The following MXD3 variants were observed in gnomAD, a reference collection of about 807,000 sequenced individuals.
MXD3 encodes Max-associated protein 3.
Under a neutral mutation model 27.5 loss-of-function variants are expected in MXD3, and 20 were observed. The ratio of observed to expected loss-of-function variants is 0.73; its 90% CI spans 0.51 to 1.06. The LOEUF is 1.06. Ranked by LOEUF, MXD3 falls within the 50% of genes least tolerant of loss-of-function variation. The probability of loss-of-function intolerance (pLI) is 0.00; values close to 1 mark genes in which losing one functional copy is unlikely to be tolerated. For synonymous variants in MXD3, 150 were observed against 130.7 expected (o/e 1.15, Z -1.01); for missense variants, 298 against 291.3 (o/e 1.02, Z -0.17).
chr5:177,311,388 T>C lies in MXD3; in HGVS notation c.167A>G (p.Asp56Gly). ...CCCCCGGCCTCCTCACCGCCCGCTGTCCTGCGCGCCAGGAGCCTGGGGGGG... is the reference window on the plus strand; with the variant it reads ...CCCCCGGCCTCCTCACCGCCCGCTGCCCTGCGCGCCAGGAGCCTGGGGGGG... The part of the protein sequence containing the change: ...KRPPQAPGAQ[D>G]SGRSVHNELE... Residue 56 changes from aspartate to glycine, a missense_variant, in exon 2 of 6, where the codon GAC (aspartate) becomes GGC (glycine). Coordinates refer to ENST00000439742, the MANE Select transcript of MXD3 (RefSeq NM_031300.4). The C allele has an allele frequency of 7.0e-7, 1 of 1,438,834 alleles. No individual in the cohort carries two copies. Among genetic ancestry groups the C allele is most frequent in the South Asian group, 1.5e-5 (1 of 66,290 alleles). 89.1% of individuals were successfully genotyped at this position (1,438,834 alleles called of 1,614,324 possible). A position where few individuals can be genotyped will look rare whatever the true frequency, so the allele number is the denominator to read the frequency against.
chr5:177,311,571 C>G, intron 1 of MXD3, 87 bp from the exon 2 acceptor site: 4 of 1,238,660 alleles, frequency 3.2e-6, no homozygotes, highest in Non-Finnish European at 4.4e-6. Context: ...CAAGGAAAGG[C>G]TTTTGGCGCC....
Position 177,311,847 on chromosome 5 carries a change from G to T in MXD3, c.-17C>A, listed in dbSNP as rs376489210. 1.2e-6 allele frequency: 2 copies of T among 1,609,402 alleles called. No individual in the cohort carries two copies. The stretch of plus-strand genomic sequence containing the variant: ...GGGTTCCATGTCGGCGACAGCTGGC[G>T]GCGGGCCGGCCTAGGGTGCCGGCCG... On this transcript the variant is annotated 5_prime_UTR_variant, in exon 1 of 6. Transcript: ENST00000439742.
upstream of MXD3, chr5:177,312,620 T>TC (rs1761064465): frequency 1.0e-6 from 1 of 985,342 alleles, no homozygotes; most frequent in African/African-American, 1.7e-5. Flanking sequence ...GGCCCCAGCT[T>TC]CCTACTGTGT....
intron 4 of MXD3, 127 bp from the exon 5 acceptor site, chr5:177,308,091 T>C: frequency 1.1e-6 from 1 of 903,972 alleles, no homozygotes; most frequent in Non-Finnish European, 1.6e-6. Context: ...GGCGACTAAA[T>C]CCAGGCCCCA....
At chr5:177,305,647 G>A (rs1298011531), downstream of MXD3, 6 of 559,122 alleles carry the variant, frequency 1.1e-5, no homozygotes, top group Admixed American at 9.3e-5. Context: ...TCAAGAGAGA[G>A]ACCTTTTGCC....
At chr5:177,309,126 G>T (rs1286679060) in intron 4 of MXD3, among the ~76,000 whole-genome samples, 1 of 152,210 alleles carries the variant, frequency 6.6e-6, no homozygotes, top group African/African-American at 2.4e-5. Flanking sequence ...AGGGAGAGAT[G>T]AGGCCAAAAG....
downstream of MXD3, chr5:177,305,799 CAGGG>C: frequency 2.4e-6 from 3 of 1,274,356 alleles, no homozygotes; most frequent in Non-Finnish European, 1.1e-6. Context: ...TGAAAAGTGA[CAGGG>C]AGTCAGATTT....
rs1280838607 is a variant in MXD3 at position 177,307,940 on chromosome 5, C to T, written c.346G>A (p.Ala116Thr). Residue 116 changes from alanine (A) to threonine (T), a missense_variant, in exon 5 of 6, where the codon GCC becomes ACC. Coordinates refer to ENST00000439742, the MANE Select transcript of MXD3 (RefSeq NM_031300.4). Reference sequence around the variant, plus strand: ...CGCAGCCTCTCCTTGAGCTGTCGGGCCCGCTGCTCCTGATCCTCCAGCTTC... The same window carrying T: ...CGCAGCCTCTCCTTGAGCTGTCGGGTCCGCTGCTCCTGATCCTCCAGCTTC... Reference protein sequence around the residue: ...IQKLEDQEQRARQLKERLRSK... With the variant: ...IQKLEDQEQRTRQLKERLRSK... The T allele has an allele frequency of 1.9e-6, 3 of 1,573,294 alleles. No individual in the cohort carries two copies. Among genetic ancestry groups the T allele is most frequent in the Non-Finnish European group, 2.6e-6 (3 of 1,159,486 alleles).
Position 177,311,408 on chromosome 5 carries a change from G to C in MXD3, c.147C>G (p.Pro49=), listed in dbSNP as rs772481908. 1.2e-5 allele frequency: 17 copies of C among 1,442,526 alleles called. No homozygotes were observed. The highest frequency in any genetic ancestry group is 6.3e-6 in the Non-Finnish European group (7 of 1,105,008). 89.4% of individuals were successfully genotyped at this position (1,442,526 alleles called of 1,614,324 possible). ...CGCTGTCCTGCGCGCCAGGAGCCTG[G>C]GGGGGTCGCTTCTTCCTCCTGTGGA... ...GPIHRRKKRP[P]QAPGAQDSGR... The change falls in exon 2 of 6, where the codon CCC becomes CCG. Residue 49 remains proline, a synonymous_variant. Transcript: ENST00000439742.
downstream of MXD3, chr5:177,306,876 C>G (rs1760892999): frequency 2.7e-6 from 2 of 730,016 alleles, no homozygotes; most frequent in Non-Finnish European, 4.4e-6. Flanking sequence ...AAGGGCAGGG[C>G]TTTTGGTTTT....
chr5:177,309,121 G>C (rs1760973948), intron 4 of MXD3, among the ~76,000 whole-genome samples: 1 of 152,228 alleles, frequency 6.6e-6, no homozygotes, highest in Admixed American at 6.5e-5. Context: ...GGCACAGGGA[G>C]AGATGAGGCC....
chr5:177,309,286 G>A lies in MXD3; in HGVS notation c.321+1140C>T, dbSNP rs138204189. On this transcript the variant is annotated intron_variant, in intron 4 of 5. Coordinates refer to ENST00000439742, the MANE Select transcript of MXD3 (RefSeq NM_031300.4). ...TAGGTGTGCTGCAGAGATCATTCTA[G>A]AGCAAAGTAGAAGACAGCCTGGTGG... 9.1e-3 allele frequency among the ~76,000 whole-genome samples: 1,389 copies of A among 152,310 alleles called. 20 individuals are homozygous for A. The highest frequency in any genetic ancestry group is 0.032 in the African/African-American group (1,318 of 41,548).
chr5:177,306,539 A>G (rs757559567), downstream of MXD3: 3 of 1,611,750 alleles, frequency 1.9e-6, no homozygotes, highest in South Asian at 3.3e-5. Context: ...GCGGCCACCA[A>G]GAAGCAGCAG....
intron 1 of MXD3, 36 bp from the exon 2 acceptor site, chr5:177,311,520 G>A: frequency 2.9e-6 from 4 of 1,397,850 alleles, no homozygotes; most frequent in Non-Finnish European, 3.8e-6. Context: ...TCAGGCTGGG[G>A]CTGGACCTGG....
chr5:177,309,547 G>A (rs962224376), intron 4 of MXD3, among the ~76,000 whole-genome samples: 2 of 152,222 alleles, frequency 1.3e-5, no homozygotes, highest in Non-Finnish European at 2.9e-5. Flanking sequence ...GACGCCGGGC[G>A]GCAGTGCAGC....
At chr5:177,308,028 C>T in intron 4 of MXD3, 64 bp from the exon 5 acceptor site, 1 of 1,414,888 alleles carries the variant, frequency 7.1e-7, no homozygotes, top group Non-Finnish European at 9.4e-7. Flanking sequence ...TGCACCCCAG[C>T]ACCACTCAGT....
In MXD3 at chr5:177,311,439, C is replaced by A; in HGVS notation, c.116G>T (p.Gly39Val). Residue 39 changes from glycine (G) to valine (V), a missense_variant, in exon 2 of 6, where the codon GGC becomes GTC. Gly to Val is a moderately radical substitution (Grantham distance 109). Coordinates refer to ENST00000439742, the MANE Select transcript of MXD3 (RefSeq NM_031300.4). ...YASLCPHRSP[G>V]PIHRRKKRPP... is the part of the protein sequence containing the mutation. ...TCGCTTCTTCCTCCTGTGGATGGGG[C>A]CTGGACTGCGATGCGGGCACAGGGA... 1.4e-6 allele frequency: 2 copies of A among 1,418,522 alleles called. No individual in the cohort carries two copies. Among genetic ancestry groups the A allele is most frequent in the Non-Finnish European group, 1.8e-6 (2 of 1,088,580 alleles). 87.9% of individuals were successfully genotyped at this position (1,418,522 alleles called of 1,614,324 possible). A position where few individuals can be genotyped will look rare whatever the true frequency, so the allele number is the denominator to read the frequency against.
upstream of MXD3, chr5:177,312,003 C>G: frequency 7.8e-7 from 1 of 1,282,336 alleles, no homozygotes; most frequent in Non-Finnish European, 9.9e-7. Flanking sequence ...CTGGAACCCG[C>G]CACGGAGCCG....
chr5:177,311,039 G>A, intron 2 of MXD3: 1 of 562,734 alleles, frequency 1.8e-6, no homozygotes, highest in Non-Finnish European at 3.2e-6. Flanking sequence ...AAATAGGAGG[G>A]AACAGCATAT....
Sources: allele counts gnomAD v4.1 joint callset (sites outside exome capture counted in the v4.1 genomes callset), GRCh38; gene constraint gnomAD v4.1.1; transcripts MANE v1.5; gene names NCBI Gene and HGNC (gene_info 2026-07-23, HGNC 2026-07-21).